CPA6: variants seen among roughly 807,000 people sequenced by gnomAD.
The protein encoded by CPA6 is carboxypeptidase A6, also known as carboxypeptidase B.
A neutral mutation model predicts 63.3 loss-of-function variants in CPA6; 58 were observed. The ratio of observed to expected loss-of-function variants is 0.92; its 90% CI spans 0.74 to 1.14. CPA6 has a LOEUF of 1.14. CPA6 is among the 50% of genes most tolerant of loss of function. The pLI is 0.00. For missense variants in CPA6, 565 were observed against 526.6 expected, an observed-to-expected ratio of 1.07 and a Z score of -0.71; for synonymous variants, 185 against 179.0, an observed-to-expected ratio of 1.03 and a Z score of -0.27.
At chr8:67,452,379 G>A (rs1805677680) in intron 8 of CPA6, 2 of 152,164 alleles carry the variant, frequency 1.3e-5, no homozygotes, top group South Asian at 4.1e-4. Flanking sequence ...TTTTCTTCCA[G>A]TCTCTCTGTT....
chr8:67,710,030 T>C (rs1321984974), intron 1 of CPA6, among the ~76,000 whole-genome samples: 1 of 151,998 alleles, frequency 6.6e-6, no homozygotes, highest in East Asian at 1.9e-4. Context: ...GAAGAATCGC[T>C]TGAACCCAGG....
At chr8:67,555,460 C>T (rs1279415851) in intron 2 of CPA6, among the ~76,000 whole-genome samples, 7 of 152,160 alleles carry the variant, frequency 4.6e-5, no homozygotes, top group Admixed American at 6.5e-5. Flanking sequence ...CCAAAGAGGA[C>T]GGGGAAGCCC....
intron 6 of CPA6, among the ~76,000 whole-genome samples, chr8:67,501,208 GTC>G (rs1456262231): frequency 6.6e-6 from 1 of 152,068 alleles, no homozygotes; most frequent in Admixed American, 6.6e-5. Context: ...AATGTGGTAT[GTC>G]TCTCCACTTC....
At chr8:67,593,036 C>G (rs1478537638) in intron 2 of CPA6, among the ~76,000 whole-genome samples, 7 of 149,598 alleles carry the variant, frequency 4.7e-5, no homozygotes, top group African/African-American at 1.0e-4. Context: ...CTATAAATTT[C>G]CCTCTACACA....
At position 67,524,615 on chromosome 8, in the gene CPA6, T is replaced by A. The variant is rs980395482; in HGVS notation, c.193-6568A>T. Among the ~76,000 whole-genome samples the A allele has an allele frequency of 8.6e-5, 13 of 151,846 alleles. No individual in the cohort carries two copies. In the East Asian group the frequency reaches 2.1e-3, roughly 25 times the overall value. On this transcript the variant is annotated intron_variant, in intron 2 of 10. Coordinates refer to ENST00000297770, the MANE Select transcript of CPA6 (RefSeq NM_020361.5). ...ATTCTTAAGTACATTTGAAAAAACT[T>A]TTTTTGTTTTTTTGCAAATCAGGTC...
At chr8:67,500,192 T>A (rs78866475) in intron 6 of CPA6, among the ~76,000 whole-genome samples, 4,527 of 152,296 alleles carry the variant, frequency 0.03, 226 homozygotes, top group African/African-American at 0.1. Context: ...GATGTATAGA[T>A]CTACCTATAC....
intron 8 of CPA6, among the ~76,000 whole-genome samples, chr8:67,448,133 G>C (rs572080980): frequency 1.3e-5 from 2 of 152,264 alleles, no homozygotes; most frequent in East Asian, 3.9e-4. Flanking sequence ...CTTTAGACCG[G>C]ACTCTTTGAA....
At chr8:67,663,076 C>T (rs1373047482) in intron 1 of CPA6, among the ~76,000 whole-genome samples, 1 of 152,188 alleles carries the variant, frequency 6.6e-6, no homozygotes, top group Non-Finnish European at 1.5e-5. Context: ...AATTCCCTAC[C>T]TACTACCTGC....
chr8:67,519,338 C>T (rs1812213705), intron 2 of CPA6, among the ~76,000 whole-genome samples: 1 of 152,192 alleles, frequency 6.6e-6, no homozygotes, highest in African/African-American at 2.4e-5. Context: ...AGTCCTGCCT[C>T]TGTCTACCTC....
At chr8:67,682,638 G>GT (rs1205018728) in intron 1 of CPA6, among the ~76,000 whole-genome samples, 4 of 152,146 alleles carry the variant, frequency 2.6e-5, no homozygotes, top group Admixed American at 1.3e-4. Flanking sequence ...ATATTTCTGA[G>GT]TTTTTTTGCA....
At position 67,720,604 on chromosome 8, in the gene CPA6, T is replaced by C. The variant is rs141746337; in HGVS notation, c.116+25410A>G. On this transcript the variant is annotated intron_variant, in intron 1 of 10. Transcript: ENST00000297770. ...AGTGACGGAGTAAAAGGAGAAGTGG[T>C]CAGAAAACTGCGAGGGCCACATTTA... Among the ~76,000 whole-genome samples the C allele has an allele frequency of 2.0e-3, 308 of 152,120 alleles. 9 individuals are homozygous for C. The East Asian group carries it at 0.056, about 27-fold the overall frequency.
Position 67,702,156 on chromosome 8 carries a change from G to A in CPA6, c.116+43858C>T, listed in dbSNP as rs114662535. ...ATAAGATCTTAGGACTTGGGTGAGT[G>A]GGCTCAAACATGCACACTGACATAG... is the stretch of plus-strand genomic sequence containing the variant. On this transcript the variant is annotated intron_variant, in intron 1 of 10. Transcript: ENST00000297770. Among the ~76,000 whole-genome samples the A allele has an allele frequency of 9.5e-3, 1,452 of 152,190 alleles. 19 individuals carry two copies. The highest frequency in any genetic ancestry group is 0.033 in the African/African-American group (1,376 of 41,498).
Position 67,635,286 on chromosome 8 carries a change from T to TTTG in CPA6, c.117-11038_117-11036dup, listed in dbSNP as rs201042559. On this transcript the variant is annotated intron_variant, in intron 1 of 10. Coordinates refer to ENST00000297770, the MANE Select transcript of CPA6 (RefSeq NM_020361.5). ...TTTGATTCCGAATACATTCAACCTT[T>TTTG]TTGTTGTTGCTGCTGGCATTTTTTC... 6.1e-3 allele frequency among the ~76,000 whole-genome samples: 930 copies of TTTG among 151,738 alleles called. 49 individuals carry two copies. Among genetic ancestry groups the TTTG allele is most frequent in the African/African-American group, 0.021 (871 of 41,012 alleles).
Position 67,515,902 on chromosome 8 carries a change from C to T in CPA6, c.317+2021G>A, listed in dbSNP as rs118080586. On this transcript the variant is annotated intron_variant, in intron 3 of 10. Coordinates refer to ENST00000297770, the MANE Select transcript of CPA6 (RefSeq NM_020361.5). Reference sequence around the variant, plus strand: ...ACTTCTTTCCTTCTCATTTGTTTTCCTCAGTAACTCTACATTGTTTTCAAT... The same window carrying T: ...ACTTCTTTCCTTCTCATTTGTTTTCTTCAGTAACTCTACATTGTTTTCAAT... 2.0e-4 allele frequency among the ~76,000 whole-genome samples: 30 copies of T among 152,256 alleles called. No individual in the cohort carries two copies. The East Asian group carries it at 5.6e-3, about 28-fold the overall frequency.
At chr8:67,488,655 T>C (rs1054382346) in intron 6 of CPA6, among the ~76,000 whole-genome samples, 2 of 152,212 alleles carry the variant, frequency 1.3e-5, no homozygotes, top group Non-Finnish European at 2.9e-5. Context: ...GTATGGCCAT[T>C]TTCATGATAT....
intron 8 of CPA6, among the ~76,000 whole-genome samples, chr8:67,463,479 T>C (rs1314738151): frequency 6.8e-6 from 1 of 147,858 alleles, no homozygotes; most frequent in African/African-American, 2.5e-5. Context: ...AATAAATAGA[T>C]AAATAAAAGA....
intron 3 of CPA6, among the ~76,000 whole-genome samples, chr8:67,513,502 A>G (rs955021875): frequency 2.0e-5 from 3 of 152,144 alleles, no homozygotes; most frequent in African/African-American, 7.2e-5. Flanking sequence ...ACTAAGGAAA[A>G]AAAAATGTAG....
intron 8 of CPA6, among the ~76,000 whole-genome samples, chr8:67,465,885 TG>T (rs1402018656): frequency 6.6e-6 from 1 of 152,178 alleles, no homozygotes; most frequent in Non-Finnish European, 1.5e-5. Context: ...TTTGCATCTA[TG>T]TTCATCAGGG....
intron 8 of CPA6, among the ~76,000 whole-genome samples, chr8:67,447,957 G>C (rs1050665636): frequency 1.3e-5 from 2 of 152,032 alleles, no homozygotes; most frequent in Non-Finnish European, 2.9e-5. Context: ...GCTAATTTTG[G>C]TATTTTTAGT....
Sources: allele counts gnomAD v4.1 joint callset (sites outside exome capture counted in the v4.1 genomes callset), GRCh38; gene constraint gnomAD v4.1.1; transcripts MANE v1.5; gene names NCBI Gene and HGNC (gene_info 2026-07-23, HGNC 2026-07-21).